Variants in MAD2L2 observed in about 807,000 individuals in gnomAD.
The protein encoded by MAD2L2 is mitotic arrest deficient 2 like 2, also known as mitotic spindle assembly checkpoint protein MAD2B.
MAD2L2 carries 17 observed loss-of-function variants against 30.5 expected under a neutral mutation model. That is an observed-to-expected ratio of 0.56 (90% CI 0.38 to 0.84). The LOEUF is 0.84. Among genes scored for constraint, MAD2L2 ranks in the 40% least tolerant of loss-of-function variants. The pLI, the probability that MAD2L2 is intolerant of heterozygous loss-of-function variation, is 0.00. For synonymous variants in MAD2L2, 101 were observed against 113.9 expected, an observed-to-expected ratio of 0.89 and a Z score of 0.72; for missense variants, 213 against 277.4, an observed-to-expected ratio of 0.77 and a Z score of 1.65.
chr1:11,679,533 CT>C (rs945082145), intron 3 of MAD2L2, among the ~76,000 whole-genome samples: 17 of 149,354 alleles, frequency 1.1e-4, no homozygotes, highest in East Asian at 3.9e-4. Context: ...CCCAGGGTAA[CT>C]TTTTTTTTTG....
rs370258457 is a variant in MAD2L2 at position 11,687,460 on chromosome 1, G to T, written c.-692+3953C>A. Among the ~76,000 whole-genome samples, 3 of 152,154 alleles carry T rather than the reference G, an allele frequency of 2.0e-5. No individual in the cohort carries two copies. The East Asian group carries it at 5.8e-4, about 29-fold the overall frequency. On this transcript the variant is annotated intron_variant, in intron 1 of 10. Coordinates refer to the MAD2L2 transcript ENST00000235310. This position sits in a 1 kb window ranked among gnomAD's most constrained non-coding sequence, Gnocchi z 4.1. Reference sequence around the variant, plus strand: ...TTGCCATATTGGCCAGGCTGGTCTCGAACTCCTGACCTCAGGTGACCCACC... The same window carrying T: ...TTGCCATATTGGCCAGGCTGGTCTCTAACTCCTGACCTCAGGTGACCCACC...
At chr1:11,675,211 T>G (rs1483858142) in intron 7 of MAD2L2, 37 bp from the exon 8 acceptor site, 5 of 1,448,876 alleles carry the variant, frequency 3.5e-6, no homozygotes, top group Non-Finnish European at 4.7e-6. Flanking sequence ...GTGACGGGGC[T>G]GGGCCCTGGC....
chr1:11,677,823 G>A (rs1182083977), intron 3 of MAD2L2, among the ~76,000 whole-genome samples: 1 of 152,008 alleles, frequency 6.6e-6, no homozygotes, highest in Admixed American at 6.6e-5. Flanking sequence ...ACTTTGGGAG[G>A]CCGAGGCAGG....
At chr1:11,676,983 C>G in intron 4 of MAD2L2, 35 bp from the exon 5 acceptor site, 1 of 1,520,146 alleles carries the variant, frequency 6.6e-7, no homozygotes, top group Non-Finnish European at 9.1e-7. Flanking sequence ...CAGAGCCAGG[C>G]ACCCCACCCC....
intron 1 of MAD2L2, among the ~76,000 whole-genome samples, chr1:11,691,112 G>A (rs1557683948): frequency 6.6e-6 from 1 of 152,130 alleles, no homozygotes; most frequent in Non-Finnish European, 1.5e-5. Context: ...CCCACTCTGC[G>A]CACTTTCTGC....
chr1:11,680,752 T>G, intron 1 of MAD2L2, 139 bp from the exon 2 acceptor site: 3 of 1,388,596 alleles, frequency 2.2e-6, no homozygotes, highest in Admixed American at 3.3e-5. Context: ...TCAGGGCAGC[T>G]GGAAGAACCT....
At chr1:11,680,856 A>G in intron 1 of MAD2L2, 183 bp downstream of exon 1, 1 of 1,135,806 alleles carries the variant, frequency 8.8e-7, no homozygotes, top group Non-Finnish European at 1.1e-6. Flanking sequence ...GGGTGGAAAG[A>G]CCACAGCTGT....
chr1:11,684,006 G>A (rs1410330802), upstream of MAD2L2, among the ~76,000 whole-genome samples: 2 of 152,100 alleles, frequency 1.3e-5, no homozygotes, highest in African/African-American at 4.8e-5. Flanking sequence ...TTGGGGCCTT[G>A]GGTTCAGATC....
At chr1:11,679,582 A>G (rs1382705699) in intron 3 of MAD2L2, among the ~76,000 whole-genome samples, 1 of 148,780 alleles carries the variant, frequency 6.7e-6, no homozygotes, top group Non-Finnish European at 1.5e-5. Context: ...GCTGGAGTGC[A>G]GTGGCACGAT....
In MAD2L2 at chr1:11,674,669, G is replaced by T; in HGVS notation, c.*106C>A. 1 of 1,219,438 alleles carries T rather than the reference G, an allele frequency of 8.2e-7. No homozygotes were observed. The allele number at this position is 1,219,438 out of a possible 1,614,324, so 75.5% of individuals were successfully genotyped here. ...GGCTGGGGCGGGCGATCCACACACA[G>T]AGGCGATAAGAGCACTTGGAATCAG... is the stretch of plus-strand genomic sequence containing the variant. On this transcript the variant is annotated 3_prime_UTR_variant, in exon 9 of 9. Coordinates refer to ENST00000376692, the MANE Select transcript of MAD2L2 (RefSeq NM_006341.4). The surrounding 1 kb of genome is among the most constrained non-coding windows in gnomAD (Gnocchi z 6.1).
chr1:11,688,943 G>C lies in MAD2L2; in HGVS notation c.-692+2470C>G, dbSNP rs185444776. Among the ~76,000 whole-genome samples, 275 of 152,280 alleles carry C rather than the reference G, an allele frequency of 1.8e-3. 1 individual carries two copies. The highest frequency in any genetic ancestry group is 6.2e-3 in the African/African-American group (259 of 41,560). On this transcript the variant is annotated intron_variant, in intron 1 of 10. Transcript: ENST00000235310. This position sits in a 1 kb window ranked among gnomAD's most constrained non-coding sequence, Gnocchi z 4.6. ...TCCTCACTGCTCCACTCCCACCAGT[G>C]CCATGGCAGTTTACAAATGCCATGG...
upstream of MAD2L2, among the ~76,000 whole-genome samples, chr1:11,686,005 T>A (rs1217125913): frequency 6.6e-6 from 1 of 152,150 alleles, no homozygotes; most frequent in Non-Finnish European, 1.5e-5. Flanking sequence ...AATGCTCAAT[T>A]AATGACTGTT....
Position 11,687,039 on chromosome 1 carries a change from T to C in MAD2L2, c.-692+4374A>G, listed in dbSNP as rs907243116. Reference sequence around the variant, plus strand: ...TCCAAAACTACTAATCTACTTTCTGTTCTATGGATTGTCCAATTTTTTTAT... The same window carrying C: ...TCCAAAACTACTAATCTACTTTCTGCTCTATGGATTGTCCAATTTTTTTAT... On this transcript the variant is annotated intron_variant, in intron 1 of 10. Transcript: ENST00000235310. The surrounding 1 kb of genome is among the most constrained non-coding windows in gnomAD (Gnocchi z 4.1). Among the ~76,000 whole-genome samples the C allele has an allele frequency of 2.0e-5, 3 of 152,108 alleles. No homozygotes were observed. Among genetic ancestry groups the C allele is most frequent in the African/African-American group, 7.2e-5 (3 of 41,414 alleles).
At chr1:11,679,238 A>T (rs757430273) in intron 3 of MAD2L2, among the ~76,000 whole-genome samples, 1 of 152,230 alleles carries the variant, frequency 6.6e-6, no homozygotes, top group Non-Finnish European at 1.5e-5. Context: ...TGAATACCAT[A>T]CTGGAAGTGA....
In MAD2L2 at chr1:11,674,849, A is replaced by C; in HGVS notation, c.595-33T>G. The C allele has an allele frequency of 6.2e-7, 1 of 1,612,674 alleles. No individual in the cohort carries two copies. Among genetic ancestry groups the C allele is most frequent in the Non-Finnish European group, 8.5e-7 (1 of 1,179,144 alleles). Reference sequence around the variant, plus strand: ...ACACAAGCAAACAGCCACAGTCAGCAAGACAGCCAGGGCATCCCTGCTGGA... The same window carrying C: ...ACACAAGCAAACAGCCACAGTCAGCCAGACAGCCAGGGCATCCCTGCTGGA... On this transcript the variant is annotated intron_variant, in intron 8 of 8. Transcript: ENST00000376692. This position sits in a 1 kb window ranked among gnomAD's most constrained non-coding sequence, Gnocchi z 6.1.
chr1:11,679,265 TG>T (rs1441718827), intron 3 of MAD2L2, among the ~76,000 whole-genome samples: 1 of 152,198 alleles, frequency 6.6e-6, no homozygotes, highest in African/African-American at 2.4e-5. Flanking sequence ...AATGGTGGTG[TG>T]GGGACTTGAA....
At chr1:11,684,170 G>A (rs1241424498), upstream of MAD2L2, among the ~76,000 whole-genome samples, 1 of 152,146 alleles carries the variant, frequency 6.6e-6, no homozygotes, top group Non-Finnish European at 1.5e-5. Context: ...GGTTCCATGG[G>A]GGCGGGGGCA....
rs540530616 is a variant in MAD2L2, at chr1:11,690,777, C to G, written c.-692+636G>C. On this transcript the variant is annotated intron_variant, in intron 1 of 10. Transcript: ENST00000235310. This position sits in a 1 kb window ranked among gnomAD's most constrained non-coding sequence, Gnocchi z 4.2. ...TATGGGAGGCACGGGACCCATAACC[C>G]AGCATTCTCAGACTCCCAGGGTCGT... Among the ~76,000 whole-genome samples the G allele has an allele frequency of 1.3e-5, 2 of 152,202 alleles. No homozygotes were observed. The highest frequency in any genetic ancestry group is 3.9e-4 in the East Asian group (2 of 5,158).
chr1:11,676,966 C>T lies in MAD2L2; in HGVS notation c.232-18G>A. ...ACATCATTCTGCAAAGAGAGGAACC[C>T]CCACTGCAGAGCCAGGCACCCCACC... On this transcript the variant is annotated intron_variant, in intron 4 of 8. Coordinates refer to ENST00000376692, the MANE Select transcript of MAD2L2 (RefSeq NM_006341.4). 6.3e-7 allele frequency: 1 copy of T among 1,593,922 alleles called. No individual in the cohort carries two copies. The highest frequency in any genetic ancestry group is 8.6e-7 in the Non-Finnish European group (1 of 1,161,700).
Sources: gnomAD v4.1 joint callset for allele counts (sites outside exome capture counted in the v4.1 genomes callset) on GRCh38, gnomAD v4.1.1 for gene constraint, Gnocchi (gnomAD v3.1) non-coding constraint, MANE v1.5 for transcripts, NCBI Gene and HGNC (gene_info 2026-07-23, HGNC 2026-07-21) for gene names.